Variants in RAD50 observed in about 807,000 individuals in gnomAD.
RAD50 encodes RAD50 double strand break repair protein.
Under a neutral mutation model 168.8 loss-of-function variants are expected in RAD50, and 132 were observed. The observed-to-expected ratio is 0.78, with a 90% confidence interval of 0.68 to 0.90. The LOEUF is 0.90. RAD50 is among the 40% of genes least tolerant of loss of function. RAD50 has a pLI of 0.00. For missense variants in RAD50, 1,347 were observed against 1,534.4 expected, an observed-to-expected ratio of 0.88 and a Z score of 2.04; for synonymous variants, 525 against 497.4, an observed-to-expected ratio of 1.06 and a Z score of -0.74.
At chr5:132,636,630 C>T (rs1469875236) in intron 21 of RAD50, among the ~76,000 whole-genome samples, 5 of 152,118 alleles carry the variant, frequency 3.3e-5, no homozygotes, top group Non-Finnish European at 5.9e-5. Context: ...GGTGGCAGTT[C>T]GATTCTCCTA....
intron 5 of RAD50, among the ~76,000 whole-genome samples, chr5:132,584,280 T>G (rs1487166993): frequency 6.6e-6 from 1 of 152,248 alleles, no homozygotes; most frequent in East Asian, 1.9e-4. Flanking sequence ...CATTTTTTCA[T>G]GTGTCTGTTG....
At chr5:132,564,325 G>A (rs1185463543) in intron 2 of RAD50, among the ~76,000 whole-genome samples, 1 of 152,194 alleles carries the variant, frequency 6.6e-6, no homozygotes, top group African/African-American at 2.4e-5. Context: ...GGTCTCAGAT[G>A]GAGATAAGGA....
chr5:132,592,207 A>T (rs1211139921), intron 11 of RAD50, among the ~76,000 whole-genome samples, 173 bp downstream of exon 11: 1 of 152,234 alleles, frequency 6.6e-6, no homozygotes, highest in African/African-American at 2.4e-5. Context: ...AAAGATAAAA[A>T]TTTTAAATAA....
chr5:132,588,856 A>G lies in RAD50; in HGVS notation c.1221A>G (p.Glu407=), dbSNP rs2149841177. ...TTGTGAGAGAGAGACAAGAAGGGGA[A>G]GCAAAAACTGCCAACCAACTGATGG... is the stretch of plus-strand genomic sequence containing the variant. ...HKLVRERQEG[E]AKTANQLMND... Residue 407 remains glutamate (E), a synonymous_variant, in exon 8 of 25, where the codon GAA becomes GAG. Coordinates refer to ENST00000378823, the MANE Select transcript of RAD50 (RefSeq NM_005732.4). 6.2e-7 allele frequency: 1 copy of G among 1,613,876 alleles called. No homozygotes were observed. The highest frequency in any genetic ancestry group is 8.5e-7 in the Non-Finnish European group (1 of 1,179,784).
chr5:132,590,305 A>G (rs927809280), intron 9 of RAD50, among the ~76,000 whole-genome samples: 2 of 152,154 alleles, frequency 1.3e-5, no homozygotes, highest in Non-Finnish European at 2.9e-5. Flanking sequence ...CCCCGTCTCT[A>G]CTAAAAATAC....
rs757145249 is a variant in RAD50, at chr5:132,646,092, C to CAAAAAAAAAAAAAAAA, written c.*3734_*3749dup. 43 of 77,128 alleles carry CAAAAAAAAAAAAAAAA rather than the reference C, an allele frequency of 5.6e-4. 3 individuals carry two copies. The highest frequency in any genetic ancestry group is 1.7e-3 in the African/African-American group (37 of 22,120). 4.8% of individuals were successfully genotyped at this position (77,128 alleles called of 1,614,324 possible). ...CAGAGTGAGACCCTGTCTAAAAAGACAAAAAAAAAAAAAAAAAAAAAGCAG... is the reference window on the plus strand; with the variant it reads ...CAGAGTGAGACCCTGTCTAAAAAGACAAAAAAAAAAAAAAAAAAAAAAAAAAAAAAAAAAAAAGCAG... On this transcript the variant is annotated 3_prime_UTR_variant, in exon 25 of 25. Transcript: ENST00000378823.
At chr5:132,613,044 C>T (rs1289326523) in intron 19 of RAD50, among the ~76,000 whole-genome samples, 1 of 151,366 alleles carries the variant, frequency 6.6e-6, no homozygotes, top group Non-Finnish European at 1.5e-5. Context: ...TTTTGGTGGA[C>T]ATTGGACTGT....
At chr5:132,628,810 G>A (rs1036144877) in intron 21 of RAD50, among the ~76,000 whole-genome samples, 20 of 151,782 alleles carry the variant, frequency 1.3e-4, no homozygotes, top group African/African-American at 4.8e-4. Flanking sequence ...TCGTGCCATT[G>A]TACTCCAGCC....
At chr5:132,631,639 T>G (rs895735628) in intron 21 of RAD50, among the ~76,000 whole-genome samples, 2 of 152,216 alleles carry the variant, frequency 1.3e-5, no homozygotes, top group African/African-American at 4.8e-5. Flanking sequence ...TTATTTGATG[T>G]TAAATGCCTG....
In RAD50 at chr5:132,557,419, C is replaced by A. The variant is rs1580974498; in HGVS notation, c.95C>A (p.Thr32Lys). The change falls in exon 1 of 25, where the codon ACA becomes AAA. Residue 32 changes from threonine to lysine, a missense_variant. Transcript: ENST00000378823. ...KQIITFFSPL[T>K]ILVGPNGAGK... ...ATTATCACTTTCTTCAGCCCCCTTACAATTTTGGTTGGACCCAATGGGGCG... is the reference window on the plus strand; with the variant it reads ...ATTATCACTTTCTTCAGCCCCCTTAAAATTTTGGTTGGACCCAATGGGGCG... The A allele has an allele frequency of 6.2e-7, 1 of 1,614,204 alleles. No individual in the cohort carries two copies. Among genetic ancestry groups the A allele is most frequent in the South Asian group, 1.1e-5 (1 of 91,088 alleles).
chr5:132,561,588 G>A (rs1021433651), intron 2 of RAD50, among the ~76,000 whole-genome samples: 1 of 152,114 alleles, frequency 6.6e-6, no homozygotes, highest in African/African-American at 2.4e-5. Context: ...TCAGTCTAAC[G>A]GCTTTAAGTA....
At chr5:132,639,868 T>G (rs1561660426) in intron 23 of RAD50, among the ~76,000 whole-genome samples, 1 of 152,140 alleles carries the variant, frequency 6.6e-6, no homozygotes. Context: ...GCCTAGGCAT[T>G]AAAGAAAAGA....
intron 21 of RAD50, among the ~76,000 whole-genome samples, chr5:132,625,329 G>A (rs946312006): frequency 3.3e-5 from 5 of 151,840 alleles, no homozygotes; most frequent in Admixed American, 6.6e-5. Flanking sequence ...CTCGTGATCC[G>A]CCCGCCTCGG....
intron 9 of RAD50, among the ~76,000 whole-genome samples, chr5:132,590,664 C>T (rs990626141): frequency 6.6e-6 from 1 of 152,182 alleles, no homozygotes; most frequent in African/African-American, 2.4e-5. Context: ...TTCACATCTC[C>T]ATTACCAAAG....
At chr5:132,572,736 T>C (rs138682402) in intron 2 of RAD50, among the ~76,000 whole-genome samples, 243 of 152,316 alleles carry the variant, frequency 1.6e-3, no homozygotes, top group African/African-American at 5.5e-3. Context: ...TATAGCAAAA[T>C]TGAGCAGAAA....
intron 2 of RAD50, among the ~76,000 whole-genome samples, chr5:132,563,867 C>T (rs1423565928): frequency 6.6e-6 from 1 of 152,124 alleles, no homozygotes. Context: ...AGTAAGTTCT[C>T]ATGAGATCTG....
chr5:132,580,260 G>A (rs1195062313), intron 5 of RAD50, among the ~76,000 whole-genome samples, 194 bp downstream of exon 5: 3 of 152,132 alleles, frequency 2.0e-5, no homozygotes. Flanking sequence ...TAAAGTCACA[G>A]TGATGTACAG....
intron 23 of RAD50, 157 bp downstream of exon 23, chr5:132,638,380 T>A: frequency 1.2e-6 from 1 of 854,814 alleles, no homozygotes; most frequent in Non-Finnish European, 1.9e-6. Context: ...ATTATTACAC[T>A]CTCCTGAAGC....
intron 5 of RAD50, among the ~76,000 whole-genome samples, chr5:132,582,811 G>A (rs995992502): frequency 3.3e-5 from 5 of 151,984 alleles, no homozygotes; most frequent in Admixed American, 6.6e-5. Context: ...ATTGTTGTCT[G>A]CCTGCTTGTC....
Sources: allele counts gnomAD v4.1 joint callset (sites outside exome capture counted in the v4.1 genomes callset), GRCh38; gene constraint gnomAD v4.1.1; transcripts MANE v1.5; gene names NCBI Gene and HGNC (gene_info 2026-07-23, HGNC 2026-07-21).